The following GNAO1 variants were observed in gnomAD, a reference collection of about 807,000 sequenced individuals.
GNAO1 encodes the protein guanine nucleotide-binding protein G(o) subunit alpha.
For synonymous variants in GNAO1, 164 were observed against 180.7 expected (o/e 0.91, Z 0.74); for missense variants, 166 against 478.7 (o/e 0.35, Z 6.10).
intron 2 of GNAO1, among the ~76,000 whole-genome samples, chr16:56,231,682 G>A (rs1007331241): frequency 8.5e-5 from 13 of 152,206 alleles, no homozygotes; most frequent in African/African-American, 3.1e-4. Context: ...TGCAGACTGT[G>A]TTTGAAAAGA....
intron 3 of GNAO1, among the ~76,000 whole-genome samples, chr16:56,292,136 A>T (rs886749276): frequency 5.3e-5 from 8 of 152,292 alleles, no homozygotes; most frequent in Middle Eastern, 3.4e-3. Flanking sequence ...TTCCTAGCAG[A>T]CAATCTGAAC....
At chr16:56,332,938 A>T (rs1047327534) in intron 4 of GNAO1, among the ~76,000 whole-genome samples, 2 of 152,210 alleles carry the variant, frequency 1.3e-5, no homozygotes, top group African/African-American at 4.8e-5. Flanking sequence ...CTTCTGGCTG[A>T]GACCAGAGCC....
intron 2 of GNAO1, among the ~76,000 whole-genome samples, chr16:56,216,820 G>T (rs2036440768): frequency 6.6e-6 from 1 of 152,210 alleles, no homozygotes; most frequent in Non-Finnish European, 1.5e-5. Context: ...GAGTTCATTG[G>T]TCCTGGCCCT....
At chr16:56,302,995 GTAT>G (rs1212654070) in intron 3 of GNAO1, 1 of 152,216 alleles carries the variant, frequency 6.6e-6, no homozygotes, top group African/African-American at 2.4e-5. Context: ...CACACACCTG[GTAT>G]CTACTATCTC....
At chr16:56,258,964 A>T (rs1408856248) in intron 2 of GNAO1, among the ~76,000 whole-genome samples, 1 of 152,240 alleles carries the variant, frequency 6.6e-6, no homozygotes, top group Non-Finnish European at 1.5e-5. Context: ...TCCTGTGCAC[A>T]GCCCTTTGTT....
chr16:56,279,462 G>A (rs556286284), intron 3 of GNAO1, among the ~76,000 whole-genome samples: 68 of 152,158 alleles, frequency 4.5e-4, no homozygotes, highest in Non-Finnish European at 7.6e-4. Flanking sequence ...TCTCCCAGGG[G>A]CCCCATGTAC....
chr16:56,355,146 A>T, intron 8 of GNAO1, 65 bp downstream of exon 8: 1 of 624,792 alleles, frequency 1.6e-6, no homozygotes, highest in Non-Finnish European at 2.7e-6. Context: ...ACACACACAC[A>T]CACACACACC....
chr16:56,351,225 G>A lies in GNAO1; in HGVS notation c.724-159G>A, dbSNP rs545380256. Among the ~76,000 whole-genome samples, 4 of 152,310 alleles carry A rather than the reference G, an allele frequency of 2.6e-5. No homozygotes were observed. The East Asian group carries it at 7.7e-4, about 29-fold the overall frequency. On this transcript the variant is annotated intron_variant, in intron 6 of 8. Transcript: ENST00000262493. This position sits in a 1 kb window ranked among gnomAD's most constrained non-coding sequence, Gnocchi z 6.1. ...CCGGAAGCAGGGAATGAGATGTGCTGTGAGGTGTAACTGACTCAGGTTCCA... is the reference window on the plus strand; with the variant it reads ...CCGGAAGCAGGGAATGAGATGTGCTATGAGGTGTAACTGACTCAGGTTCCA...
At chr16:56,230,494 G>A (rs34036576) in intron 2 of GNAO1, among the ~76,000 whole-genome samples, 2 of 152,290 alleles carry the variant, frequency 1.3e-5, no homozygotes, top group African/African-American at 4.8e-5. Flanking sequence ...TCCATAATCA[G>A]AGCGTGGGTG....
intron 3 of GNAO1, among the ~76,000 whole-genome samples, chr16:56,316,750 C>A (rs1445176120): frequency 6.6e-6 from 1 of 152,244 alleles, no homozygotes; most frequent in Non-Finnish European, 1.5e-5. Flanking sequence ...ACGGGCAGGG[C>A]AGGGTCCAGT....
chr16:56,288,814 C>T (rs947986600), intron 3 of GNAO1, among the ~76,000 whole-genome samples: 1 of 152,116 alleles, frequency 6.6e-6, no homozygotes, highest in African/African-American at 2.4e-5. Context: ...CACAGAAAGA[C>T]CAGCCCCTAG....
At chr16:56,345,672 G>A (rs1424179017) in intron 6 of GNAO1, 32 of 985,426 alleles carry the variant, frequency 3.2e-5, no homozygotes, top group East Asian at 1.1e-4. Context: ...GTGCTGGGAC[G>A]TGGCAGAGGA....
At chr16:56,340,781 G>A (rs1295104139) in intron 6 of GNAO1, 8 of 1,562,312 alleles carry the variant, frequency 5.1e-6, no homozygotes, top group Non-Finnish European at 6.1e-6. Context: ...GGCCGCGGTG[G>A]GTCAGGGCCC....
intron 2 of GNAO1, among the ~76,000 whole-genome samples, chr16:56,233,418 T>A (rs1247483931): frequency 6.6e-6 from 1 of 152,090 alleles, no homozygotes; most frequent in Non-Finnish European, 1.5e-5. Context: ...TTTCTGAGAG[T>A]CAGATTCTAG....
At chr16:56,344,123 T>C (rs2037839022) in intron 6 of GNAO1, 2 of 1,445,194 alleles carry the variant, frequency 1.4e-6, no homozygotes, top group East Asian at 5.0e-5. Flanking sequence ...CCAACAGAAC[T>C]TGTGGTAACG....
At chr16:56,231,863 C>T (rs1248338095) in intron 2 of GNAO1, among the ~76,000 whole-genome samples, 1 of 152,160 alleles carries the variant, frequency 6.6e-6, no homozygotes, top group East Asian at 1.9e-4. Flanking sequence ...GGATAGGGCC[C>T]TTGGCAAGAT....
At chr16:56,260,389 C>T (rs537288585) in intron 2 of GNAO1, among the ~76,000 whole-genome samples, 1 of 152,296 alleles carries the variant, frequency 6.6e-6, no homozygotes, top group South Asian at 2.1e-4. Flanking sequence ...TCAACGTGCA[C>T]CAATTTTAGG....
At chr16:56,205,487 T>C (rs2036318673) in intron 2 of GNAO1, among the ~76,000 whole-genome samples, 2 of 152,198 alleles carry the variant, frequency 1.3e-5, no homozygotes, top group Admixed American at 1.3e-4. Flanking sequence ...TGGGAGGACC[T>C]TGGGGAAGGG....
intron 2 of GNAO1, among the ~76,000 whole-genome samples, chr16:56,214,363 T>C (rs1185667999): frequency 6.6e-6 from 1 of 152,030 alleles, no homozygotes; most frequent in Non-Finnish European, 1.5e-5. Flanking sequence ...GTAGACGTGC[T>C]CAGTAAGCAA....
Sources: allele counts gnomAD v4.1 joint callset (sites outside exome capture counted in the v4.1 genomes callset), GRCh38; gene constraint gnomAD v4.1.1; non-coding constraint Gnocchi (gnomAD v3.1); transcripts MANE v1.5; gene names NCBI Gene and HGNC (gene_info 2026-07-23, HGNC 2026-07-21).